UGT1A5: variants seen among roughly 807,000 people sequenced by gnomAD.
UGT1A5 encodes UDP-glucuronosyltransferase 1A5.
A neutral mutation model predicts 40.3 loss-of-function variants in UGT1A5; 29 were observed. That is an observed-to-expected ratio of 0.72 (90% CI 0.54 to 0.98). The LOEUF (loss-of-function observed/expected upper bound fraction) is 0.98, where lower values mean the gene tolerates loss of function less well. Among genes scored for constraint, UGT1A5 ranks in the 50% least tolerant of loss-of-function variants. UGT1A5 has a pLI of 0.00. For missense variants in UGT1A5, 678 were observed against 677.9 expected (o/e 1.00, Z 0.00); for synonymous variants, 257 against 262.5 (o/e 0.98, Z 0.20).
At chr2:233,765,999 C>G (rs1036845415) in intron 1 of UGT1A5, among the ~76,000 whole-genome samples, 1 of 151,990 alleles carries the variant, frequency 6.6e-6, no homozygotes, top group Non-Finnish European at 1.5e-5. Flanking sequence ...CTCCAGTGGG[C>G]GTGGGTTATG....
In UGT1A5 at chr2:233,772,332, G is replaced by A. The variant is rs1201825340; in HGVS notation, c.1378G>A (p.Val460Met). 10 of 1,614,084 alleles carry A rather than the reference G, an allele frequency of 6.2e-6. No individual in the cohort carries two copies. Among genetic ancestry groups the A allele is most frequent in the East Asian group, 2.2e-5 (1 of 44,892 alleles). ...DRPVEPLDLAVFWVEFVMRHK... is the reference protein window; with the variant it reads ...DRPVEPLDLAMFWVEFVMRHK... ...CCCGGTGGAGCCGCTGGACCTGGCC[G>A]TGTTCTGGGTGGAGTTTGTGATGAG... The change falls in exon 5 of 5, where the codon GTG becomes ATG. Residue 460 changes from valine (V) to methionine (M), a missense_variant. Physicochemically the swap from Val to Met is conservative, Grantham distance 21 (BLOSUM62 1). Transcript: ENST00000373414.
chr2:233,729,934 A>G (rs45449995), intron 1 of UGT1A5: 47,426 of 1,614,076 alleles, frequency 0.029, 771 homozygotes, highest in African/African-American at 0.049. Context: ...CAGGCCAATC[A>G]TGCCCAACAT....
chr2:233,729,174 G>A, intron 1 of UGT1A5: 1 of 1,613,808 alleles, frequency 6.2e-7, no homozygotes, highest in Non-Finnish European at 8.5e-7. Flanking sequence ...CCACAGGACT[G>A]CTGCTTCTCC....
chr2:233,744,844 A>C (rs1390116888), intron 1 of UGT1A5, among the ~76,000 whole-genome samples: 1 of 151,966 alleles, frequency 6.6e-6, no homozygotes, highest in African/African-American at 2.4e-5. Context: ...AGTCTAGCAG[A>C]GTAGTCCTTG....
rs1436464703 is a variant in UGT1A5 at position 233,735,153 on chromosome 2, C to G, written c.867+21295C>G. Among the ~76,000 whole-genome samples the G allele has an allele frequency of 3.9e-5, 6 of 152,130 alleles. No individual in the cohort carries two copies. In the East Asian group the frequency reaches 1.2e-3, roughly 29 times the overall value. ...ATTATTATTGTGTGGGAGTCTAAGT[C>G]TCTGTGTAGGTCTCTAAGAACTTGC... On this transcript the variant is annotated intron_variant, in intron 1 of 4. Coordinates refer to ENST00000373414, the MANE Select transcript of UGT1A5 (RefSeq NM_019078.2).
intron 1 of UGT1A5, chr2:233,718,664 G>C: frequency 6.5e-7 from 1 of 1,540,864 alleles, no homozygotes; most frequent in Non-Finnish European, 8.7e-7. Flanking sequence ...GGCAGTTATA[G>C]ATTAATGGGT....
chr2:233,721,747 T>C, intron 1 of UGT1A5: 1 of 445,298 alleles, frequency 2.2e-6, no homozygotes, highest in South Asian at 1.7e-5. Context: ...GATGAGAGAA[T>C]CTACATCTAA....
intron 1 of UGT1A5, chr2:233,719,600 C>T (rs1250192329): frequency 1.2e-6 from 2 of 1,614,004 alleles, no homozygotes; most frequent in South Asian, 2.2e-5. Context: ...TCCGAGGGGA[C>T]TTTGTGATGG....
intron 1 of UGT1A5, chr2:233,754,930 G>A (rs1387383656): frequency 5.9e-6 from 8 of 1,344,668 alleles, no homozygotes; most frequent in Non-Finnish European, 8.0e-6. Flanking sequence ...TTTCCCAAGA[G>A]GTCAAAGGAG....
At chr2:233,747,632 C>G in intron 1 of UGT1A5, 1 of 1,580,404 alleles carries the variant, frequency 6.3e-7, no homozygotes, top group Non-Finnish European at 8.7e-7. Context: ...TGATCAGGCA[C>G]CTGAATGCTA....
At chr2:233,735,813 T>C (rs1312279736) in intron 1 of UGT1A5, among the ~76,000 whole-genome samples, 1 of 152,232 alleles carries the variant, frequency 6.6e-6, no homozygotes, top group Non-Finnish European at 1.5e-5. Flanking sequence ...AAAATTCTTT[T>C]CTTTAAGAAT....
At chr2:233,717,827 C>T (rs2125656433) in intron 1 of UGT1A5, 1 of 455,482 alleles carries the variant, frequency 2.2e-6, no homozygotes, top group South Asian at 1.6e-5. Context: ...CCGTTCTGTT[C>T]TGGAGGAACC....
At chr2:233,732,525 T>G (rs775649964) in intron 1 of UGT1A5, among the ~76,000 whole-genome samples, 3 of 152,226 alleles carry the variant, frequency 2.0e-5, no homozygotes, top group Non-Finnish European at 4.4e-5. Context: ...GCTTTCTACA[T>G]ATGGCCAGTT....
intron 1 of UGT1A5, among the ~76,000 whole-genome samples, chr2:233,716,137 G>A (rs931964011): frequency 4.6e-5 from 7 of 152,042 alleles, no homozygotes; most frequent in African/African-American, 1.2e-4. Flanking sequence ...GAATTCCATG[G>A]CCCTTTTCCA....
At position 233,767,872 on chromosome 2, in the gene UGT1A5, C is replaced by G. The variant is rs997427896; in HGVS notation, c.1023C>G (p.Thr341=). The G allele has an allele frequency of 2.5e-6, 4 of 1,614,024 alleles. No homozygotes were observed. The highest frequency in any genetic ancestry group is 3.4e-6 in the Non-Finnish European group (4 of 1,180,044). ...PQTVLWRYTG[T]RPSNLANNTI... is the part of the protein sequence containing the mutation. The stretch of plus-strand genomic sequence containing the variant: ...AGGTCCTGTGGCGGTACACTGGAAC[C>G]CGACCATCGAATCTTGCGAACAACA... Residue 341 remains threonine (T), a synonymous_variant, in exon 3 of 5, where the codon ACC becomes ACG. Coordinates refer to ENST00000373414, the MANE Select transcript of UGT1A5 (RefSeq NM_019078.2).
chr2:233,766,951 A>C (rs1699289551), intron 1 of UGT1A5, 83 bp from the exon 2 acceptor site: 10 of 1,601,242 alleles, frequency 6.2e-6, no homozygotes, highest in Non-Finnish European at 8.5e-6. Context: ...CTTAAGAGGA[A>C]GATATCTAAT....
rs773281887 is a variant in UGT1A5, at chr2:233,713,436, G to A, written c.445G>A (p.Val149Ile). 2.0e-5 allele frequency: 32 copies of A among 1,614,146 alleles called. No individual in the cohort carries two copies. Among genetic ancestry groups the A allele is most frequent in the Non-Finnish European group, 2.5e-5 (29 of 1,180,020 alleles). Residue 149 changes from valine to isoleucine, a missense_variant, in exon 1 of 5, where the codon GTT becomes ATT. By Grantham distance (29) the Val-to-Ile change is conservative. Coordinates refer to ENST00000373414, the MANE Select transcript of UGT1A5 (RefSeq NM_019078.2). ...CCTGCATGCTACTTCCTTTGATGTG[G>A]TTCTAACAGACCCCTTTCACCTCTG... ...RHLHATSFDVVLTDPFHLCAA... is the reference protein window; with the variant it reads ...RHLHATSFDVILTDPFHLCAA...
At chr2:233,744,624 T>A (rs1301133091) in intron 1 of UGT1A5, among the ~76,000 whole-genome samples, 12 of 151,914 alleles carry the variant, frequency 7.9e-5, no homozygotes, top group Non-Finnish European at 1.5e-4. Context: ...TATAGAGAGG[T>A]GGATTCTCAT....
intron 1 of UGT1A5, chr2:233,742,068 T>A (rs185159129): frequency 2.0e-5 from 3 of 151,914 alleles, no homozygotes; most frequent in African/African-American, 7.3e-5. Context: ...TGTGGCCTTA[T>A]GGAGATCCTT....
Sources: gnomAD v4.1 joint callset for allele counts (sites outside exome capture counted in the v4.1 genomes callset) on GRCh38, gnomAD v4.1.1 for gene constraint, MANE v1.5 for transcripts, NCBI Gene and HGNC (gene_info 2026-07-23, HGNC 2026-07-21) for gene names.